The following AGBL4 variants were observed in gnomAD, a reference collection of about 807,000 sequenced individuals.
AGBL4 encodes AGBL carboxypeptidase 4, also known as cytosolic carboxypeptidase 6.
In AGBL4, 58 loss-of-function variants were observed where a neutral mutation model predicts 66.4. That is an observed-to-expected ratio of 0.87 (90% CI 0.71 to 1.09). AGBL4 has a LOEUF of 1.09. Ranked by LOEUF, AGBL4 falls within the 50% of genes least tolerant of loss-of-function variation. AGBL4 has a pLI of 0.00. For synonymous variants in AGBL4, 234 were observed against 222.9 expected, an observed-to-expected ratio of 1.05 and a Z score of -0.44; for missense variants, 579 against 631.0, an observed-to-expected ratio of 0.92 and a Z score of 0.88.
Position 49,545,628 on chromosome 1 carries a change from T to C in AGBL4, c.282+151685A>G, listed in dbSNP as rs147934872. Among the ~76,000 whole-genome samples, 730 of 152,326 alleles carry C rather than the reference T, an allele frequency of 4.8e-3. 5 individuals are homozygous for C. Among genetic ancestry groups the C allele is most frequent in the African/African-American group, 0.017 (698 of 41,564 alleles). ...GATCTCTGTGACTCAAAGACACATATATCTATGGTATATGAGTACCTGTAA... is the reference window on the plus strand; with the variant it reads ...GATCTCTGTGACTCAAAGACACATACATCTATGGTATATGAGTACCTGTAA... On this transcript the variant is annotated intron_variant, in intron 3 of 13. Coordinates refer to ENST00000371839, the MANE Select transcript of AGBL4 (RefSeq NM_032785.4).
At chr1:48,671,647 T>TTC (rs1305672332) in intron 6 of AGBL4, among the ~76,000 whole-genome samples, 2 of 152,218 alleles carry the variant, frequency 1.3e-5, no homozygotes, top group Non-Finnish European at 2.9e-5. Context: ...TGATGCATAG[T>TTC]AAGTGTTCAA....
intron 1 of AGBL4, among the ~76,000 whole-genome samples, chr1:49,945,490 A>G (rs990017196): frequency 6.6e-6 from 1 of 152,004 alleles, no homozygotes; most frequent in African/African-American, 2.4e-5. Context: ...AAGGAAACAC[A>G]TGTCTTTTTC....
chr1:49,178,222 G>C (rs1301364551), intron 4 of AGBL4, among the ~76,000 whole-genome samples: 6 of 152,058 alleles, frequency 3.9e-5, no homozygotes, highest in Non-Finnish European at 5.9e-5. Context: ...TCAATATAAT[G>C]CATATTATAA....
At position 48,538,158 on chromosome 1, in the gene AGBL4, C is replaced by T. The variant is rs532360269; in HGVS notation, c.1364+1484G>A. ...ATCAGAATACCTTGTCATGAAGACT[C>T]TATGACATGGGGCTAAGAGATGTAT... On this transcript the variant is annotated intron_variant, in intron 12 of 13. Transcript: ENST00000371839. 9.2e-5 allele frequency among the ~76,000 whole-genome samples: 14 copies of T among 152,244 alleles called. No homozygotes were observed. The East Asian group carries it at 2.7e-3, about 29-fold the overall frequency.
intron 4 of AGBL4, among the ~76,000 whole-genome samples, chr1:49,055,584 A>G (rs1186295183): frequency 6.6e-6 from 1 of 152,084 alleles, no homozygotes; most frequent in Non-Finnish European, 1.5e-5. Context: ...TGTCATCAAG[A>G]ACTAAAAATC....
At chr1:49,454,278 A>T (rs935923125) in intron 3 of AGBL4, among the ~76,000 whole-genome samples, 9 of 151,794 alleles carry the variant, frequency 5.9e-5, no homozygotes, top group Non-Finnish European at 1.0e-4. Flanking sequence ...AATTGCACAG[A>T]TACTATTTAT....
At chr1:48,699,620 T>C (rs1646769815) in intron 6 of AGBL4, among the ~76,000 whole-genome samples, 2 of 152,214 alleles carry the variant, frequency 1.3e-5, no homozygotes, top group Admixed American at 6.5e-5. Context: ...CTGATGAGAA[T>C]TTGTGAATAA....
intron 3 of AGBL4, among the ~76,000 whole-genome samples, chr1:49,499,884 T>A (rs1359497778): frequency 6.6e-6 from 1 of 151,950 alleles, no homozygotes. Context: ...TCTGGGTAGG[T>A]AACCCAGTAG....
chr1:49,612,973 G>A (rs1246701784), intron 3 of AGBL4, among the ~76,000 whole-genome samples: 1 of 152,048 alleles, frequency 6.6e-6, no homozygotes, highest in Non-Finnish European at 1.5e-5. Flanking sequence ...CAAAAACATG[G>A]AATCAACTTA....
chr1:49,929,341 G>A (rs12753245), intron 1 of AGBL4, among the ~76,000 whole-genome samples: 574 of 150,918 alleles, frequency 3.8e-3, no homozygotes, highest in Middle Eastern at 0.038. Context: ...AAATCCTAAA[G>A]CAACCCCAAA....
chr1:49,512,287 A>C (rs1031174715), intron 3 of AGBL4, among the ~76,000 whole-genome samples: 2 of 152,042 alleles, frequency 1.3e-5, no homozygotes, highest in Non-Finnish European at 2.9e-5. Flanking sequence ...TGCAATATTT[A>C]TTAGCTATGA....
chr1:48,854,924 G>T (rs531565792), intron 6 of AGBL4, among the ~76,000 whole-genome samples: 3 of 152,298 alleles, frequency 2.0e-5, no homozygotes, highest in African/African-American at 7.2e-5. Flanking sequence ...GAGAAAAACA[G>T]ATTGGGTCCT....
intron 4 of AGBL4, among the ~76,000 whole-genome samples, chr1:49,191,495 G>A (rs1017788124): frequency 9.2e-5 from 14 of 152,166 alleles, no homozygotes; most frequent in South Asian, 6.2e-4. Context: ...GGAAGTACAC[G>A]TGCAGGTTTG....
At chr1:48,836,814 G>T (rs1380447187) in intron 6 of AGBL4, among the ~76,000 whole-genome samples, 1 of 151,988 alleles carries the variant, frequency 6.6e-6, no homozygotes, top group African/African-American at 2.4e-5. Context: ...AAATGTCAGT[G>T]TTTAAATAGA....
chr1:48,643,125 G>T (rs1404910758), intron 8 of AGBL4, among the ~76,000 whole-genome samples: 1 of 152,160 alleles, frequency 6.6e-6, no homozygotes, highest in South Asian at 2.1e-4. Context: ...TGTTCTTGTG[G>T]TTTGCTCTTG....
At chr1:48,968,457 G>A (rs1230194105) in intron 5 of AGBL4, among the ~76,000 whole-genome samples, 5 of 152,148 alleles carry the variant, frequency 3.3e-5, no homozygotes, top group African/African-American at 1.2e-4. Flanking sequence ...TGAGGGATTT[G>A]TTAGGAGAGG....
chr1:48,981,243 T>C (rs1557524321), intron 5 of AGBL4, among the ~76,000 whole-genome samples: 1 of 152,202 alleles, frequency 6.6e-6, no homozygotes, highest in African/African-American at 2.4e-5. Context: ...TATTATTTAA[T>C]AGAAATCTGA....
chr1:49,679,892 T>G (rs909129984), intron 3 of AGBL4, among the ~76,000 whole-genome samples: 1 of 152,188 alleles, frequency 6.6e-6, no homozygotes, highest in African/African-American at 2.4e-5. Context: ...CACAATTACC[T>G]TAAATATTTT....
chr1:49,084,835 C>G (rs922546821), intron 4 of AGBL4, among the ~76,000 whole-genome samples: 1 of 152,140 alleles, frequency 6.6e-6, no homozygotes. Context: ...TGGCTTGAGA[C>G]AGCCACACGC....
Sources: gnomAD v4.1 joint callset for allele counts (sites outside exome capture counted in the v4.1 genomes callset) on GRCh38, gnomAD v4.1.1 for gene constraint, MANE v1.5 for transcripts, NCBI Gene and HGNC (gene_info 2026-07-23, HGNC 2026-07-21) for gene names.